The following WIPF2 variants were observed in gnomAD, a reference collection of about 807,000 sequenced individuals.
The protein encoded by WIPF2 is WAS/WASL interacting protein family member 2, also known as WAS/WASL-interacting protein family member 2.
WIPF2 carries 23 observed loss-of-function variants against 38.8 expected under a neutral mutation model. The observed-to-expected ratio is 0.59, with a 90% CI of 0.43 to 0.84. WIPF2 has a LOEUF of 0.84. Among genes scored for constraint, WIPF2 ranks in the 40% least tolerant of loss-of-function variants. The pLI, the probability that WIPF2 is intolerant of heterozygous loss-of-function variation, is 0.00. For synonymous variants in WIPF2, 210 were observed against 223.2 expected (o/e 0.94, Z 0.53); for missense variants, 574 against 580.5 (o/e 0.99, Z 0.11).
chr17:40,226,007 G>C (rs770556758), intron 1 of WIPF2, among the ~76,000 whole-genome samples: 15 of 152,058 alleles, frequency 9.9e-5, no homozygotes, highest in Non-Finnish European at 1.8e-4. Context: ...TTTGGATTTT[G>C]AGGCCCCTCA....
At chr17:40,249,192 T>A (rs2031472879) in intron 1 of WIPF2, among the ~76,000 whole-genome samples, 1 of 152,042 alleles carries the variant, frequency 6.6e-6, no homozygotes, top group East Asian at 1.9e-4. Flanking sequence ...GAAACCTGAG[T>A]TTTAGAGCAG....
chr17:40,269,983 A>C (rs1230122214), intron 5 of WIPF2, among the ~76,000 whole-genome samples: 1 of 152,158 alleles, frequency 6.6e-6, no homozygotes, highest in Non-Finnish European at 1.5e-5. Flanking sequence ...ATCTTGGATT[A>C]CAAAAGCCTG....
At chr17:40,261,682 GTTTTTTTTGT>G in intron 3 of WIPF2, among the ~76,000 whole-genome samples, 1 of 142,542 alleles carries the variant, frequency 7.0e-6, no homozygotes, top group African/African-American at 2.6e-5. Context: ...TTTTTTTTTG[GTTTTTTTTGT>G]TTTTTTTTTT....
chr17:40,231,113 C>T (rs1234338560), intron 1 of WIPF2, among the ~76,000 whole-genome samples: 2 of 152,096 alleles, frequency 1.3e-5, no homozygotes, highest in African/African-American at 2.4e-5. Context: ...CACTAGTGAT[C>T]AAGGGACGGA....
At position 40,262,497 on chromosome 17, in the gene WIPF2, A is replaced by G. The variant is rs1446757533; in HGVS notation, c.197-28A>G. Reference sequence around the variant, plus strand: ...TGGTCACCAGCTGAGAGCATGTGAAATGAAAACCCTACTGGTATGCTTTCC... The same window carrying G: ...TGGTCACCAGCTGAGAGCATGTGAAGTGAAAACCCTACTGGTATGCTTTCC... On this transcript the variant is annotated intron_variant, in intron 3 of 7. Transcript: ENST00000323571. The G allele has an allele frequency of 3.8e-6, 6 of 1,590,260 alleles. No individual in the cohort carries two copies. The South Asian group carries it at 4.4e-5, about 12-fold the overall frequency.
intron 1 of WIPF2, among the ~76,000 whole-genome samples, chr17:40,246,500 C>T (rs921043332): frequency 4.0e-5 from 6 of 150,134 alleles, no homozygotes; most frequent in African/African-American, 1.2e-4. Context: ...CTGGGTTCAA[C>T]GATTCTCCTG....
chr17:40,283,055 G>A lies in WIPF2; in HGVS notation c.*4830G>A, dbSNP rs1807273. ...TACAAAAATTAACCGGTGTCATGGC[G>A]CATGCCTGTAGTCCCAGCTACTCGG... On this transcript the variant is annotated 3_prime_UTR_variant, in exon 8 of 8. Transcript: ENST00000323571. 0.12 allele frequency: 18,131 copies of A among 148,688 alleles called. 1,258 individuals carry two copies. Among genetic ancestry groups the A allele is most frequent in the East Asian group, 0.35 (1,762 of 5,016 alleles). The allele number at this position is 148,688 out of a possible 1,614,324, so 9.2% of individuals were successfully genotyped here.
chr17:40,220,589 A>ATATG (rs1555558036), intron 1 of WIPF2: 3 of 71,676 alleles, frequency 4.2e-5, no homozygotes, highest in African/African-American at 6.2e-5. Flanking sequence ...ATATATATAT[A>ATATG]TATATATATA....
intron 6 of WIPF2, among the ~76,000 whole-genome samples, chr17:40,276,812 A>C (rs555003992): frequency 1.6e-4 from 24 of 152,202 alleles, no homozygotes; most frequent in Non-Finnish European, 2.9e-4. Context: ...CCTGGGTGAC[A>C]GAGCGAGACT....
At chr17:40,231,042 T>C (rs2030719447) in intron 1 of WIPF2, among the ~76,000 whole-genome samples, 1 of 152,184 alleles carries the variant, frequency 6.6e-6, no homozygotes, top group South Asian at 2.1e-4. Context: ...TACTTCTGTT[T>C]AATTGGATCA....
Position 40,272,509 on chromosome 17 carries a change from A to G in WIPF2, c.971-1281A>G, listed in dbSNP as rs573922711. 5.3e-5 allele frequency among the ~76,000 whole-genome samples: 8 copies of G among 152,320 alleles called. No individual in the cohort carries two copies. The South Asian group carries it at 1.7e-3, about 32-fold the overall frequency. ...TAACTTCCCACAATGAATCTGCTGTATATATTTTGAAAATCGCTCATTGAT... is the reference window on the plus strand; with the variant it reads ...TAACTTCCCACAATGAATCTGCTGTGTATATTTTGAAAATCGCTCATTGAT... On this transcript the variant is annotated intron_variant, in intron 5 of 7. Transcript: ENST00000323571.
intron 1 of WIPF2, among the ~76,000 whole-genome samples, chr17:40,244,433 G>A (rs529391243): frequency 1.5e-4 from 23 of 152,250 alleles, no homozygotes; most frequent in African/African-American, 5.3e-4. Flanking sequence ...CTTTTCAGGA[G>A]CAAAGCTGAA....
At chr17:40,266,284 A>G (rs948824732) in intron 5 of WIPF2, among the ~76,000 whole-genome samples, 1 of 151,770 alleles carries the variant, frequency 6.6e-6, no homozygotes, top group African/African-American at 2.4e-5. Flanking sequence ...GCCCTCCTAC[A>G]TTAGAGGCAA....
At chr17:40,240,805 C>T (rs1052188553) in intron 1 of WIPF2, among the ~76,000 whole-genome samples, 27 of 151,628 alleles carry the variant, frequency 1.8e-4, no homozygotes, top group African/African-American at 5.1e-4. Context: ...ATTAGCTGGG[C>T]GTGGTGGCAG....
chr17:40,228,597 A>AGGGGATGCG (rs2145283579), intron 1 of WIPF2, among the ~76,000 whole-genome samples: 1 of 150,802 alleles, frequency 6.6e-6, no homozygotes, highest in East Asian at 2.0e-4. Context: ...TAGGGGATGC[A>AGGGGATGCG]GGGGATGCAG....
intron 1 of WIPF2, among the ~76,000 whole-genome samples, chr17:40,253,825 A>G (rs1318720249): frequency 1.3e-5 from 2 of 152,146 alleles, no homozygotes; most frequent in East Asian, 3.9e-4. Flanking sequence ...TTACTGTCTC[A>G]TTTCTGATCA....
chr17:40,273,791 T>C lies in WIPF2; in HGVS notation c.972T>C (p.Ala324=), dbSNP rs1423922405. Residue 324 remains alanine (A), a splice_region_variant and synonymous_variant, in exon 6 of 8, where the codon GCT becomes GCC. Coordinates refer to ENST00000323571, the MANE Select transcript of WIPF2 (RefSeq NM_133264.5). ...PARDPPSRGA[A]PPPPPPVIRN... ...AACTACTTTGGATTTTAATTGCAGC[T>C]CCTCCACCCCCACCACCTGTGATCC... 7.5e-6 allele frequency: 12 copies of C among 1,604,166 alleles called. No individual in the cohort carries two copies. In the East Asian group the frequency reaches 2.5e-4, roughly 33 times the overall value.
At chr17:40,270,745 T>TA (rs1375771139) in intron 5 of WIPF2, among the ~76,000 whole-genome samples, 2 of 152,168 alleles carry the variant, frequency 1.3e-5, no homozygotes, top group Non-Finnish European at 1.5e-5. Context: ...TGCTGGGAGT[T>TA]ACAAGATTTC....
intron 1 of WIPF2, among the ~76,000 whole-genome samples, chr17:40,250,183 T>C (rs1328091845): frequency 7.9e-5 from 12 of 150,974 alleles, no homozygotes; most frequent in South Asian, 2.1e-4. Flanking sequence ...TTTTAAGATA[T>C]TGACTCCTGA....
Sources: gnomAD v4.1 joint callset for allele counts (sites outside exome capture counted in the v4.1 genomes callset) on GRCh38, gnomAD v4.1.1 for gene constraint, MANE v1.5 for transcripts, NCBI Gene and HGNC (gene_info 2026-07-23, HGNC 2026-07-21) for gene names.